KIF13A: variants seen among roughly 807,000 people sequenced by gnomAD.
KIF13A encodes the protein kinesin family member 13A, also known as kinesin-like protein KIF13A.
KIF13A carries 79 observed loss-of-function variants against 212.2 expected under a neutral mutation model. That is an observed-to-expected ratio of 0.37 (90% confidence interval 0.31 to 0.45). The LOEUF is 0.45. Among genes scored for constraint, KIF13A ranks in the 20% least tolerant of loss-of-function variants. The probability of loss-of-function intolerance (pLI) is 1.00; values close to 1 mark genes in which losing one functional copy is unlikely to be tolerated. For synonymous variants in KIF13A, 789 were observed against 808.6 expected (o/e 0.98, Z 0.41); for missense variants, 1,901 against 2,209.0 (o/e 0.86, Z 2.79).
intron 2 of KIF13A, among the ~76,000 whole-genome samples, chr6:17,932,114 C>T (rs575340943): frequency 6.6e-6 from 1 of 152,100 alleles, no homozygotes; most frequent in African/African-American, 2.4e-5. Context: ...CAGGTGACTC[C>T]GATGTATGTC....
rs1262371731 is a variant in KIF13A, at chr6:17,971,485, A to G, written c.146+15569T>C. Among the ~76,000 whole-genome samples the G allele has an allele frequency of 6.6e-6, 1 of 151,892 alleles. No individual in the cohort carries two copies. The highest frequency in any genetic ancestry group is 1.9e-4 in the East Asian group (1 of 5,176). On this transcript the variant is annotated intron_variant, in intron 2 of 38. Transcript: ENST00000259711. The surrounding 1 kb of genome is among the most constrained non-coding windows in gnomAD (Gnocchi z 4.2). ...CGCCCAGGCTGGAGTGCAGTGGTGT[A>G]ATCATGGCTCACTGCAGCCTAGACC...
Position 17,771,994 on chromosome 6 carries a change from G to A in KIF13A, c.4390C>T (p.Pro1464Ser), listed in dbSNP as rs776345807. 16 of 1,613,922 alleles carry A rather than the reference G, an allele frequency of 9.9e-6. 1 individual carries two copies. The South Asian group carries it at 1.6e-4, about 17-fold the overall frequency. Reference sequence around the variant, plus strand: ...GGCATTAGGGGCTTGAAAAACTTTGGTGGCTGAGGAGAGAATGCTTTAAAA... The same window carrying A: ...GGCATTAGGGGCTTGAAAAACTTTGATGGCTGAGGAGAGAATGCTTTAAAA... ...SPFKAFSPQP[P>S]KFFKPLMPVK... The change falls in exon 37 of 39, where the codon CCA (proline) becomes TCA (serine). Residue 1464 changes from proline (P) to serine (S), a missense_variant. Around this residue, in one of 5 missense-constraint regions of KIF13A, gnomAD observed 687 missense variants for 759.1 expected, o/e 0.90. Coordinates refer to ENST00000259711, the MANE Select transcript of KIF13A (RefSeq NM_022113.6). The surrounding 1 kb of genome is among the most constrained non-coding windows in gnomAD (Gnocchi z 5.4).
rs915031435 is a variant in KIF13A at position 17,971,618 on chromosome 6, T to A, written c.146+15436A>T. ...TTTTCTATTTTTTGTAGAGATGGGG[T>A]TTTGTCATGTTGCCCAGGCTGGTCT... On this transcript the variant is annotated intron_variant, in intron 2 of 38. Transcript: ENST00000259711. This position sits in a 1 kb window ranked among gnomAD's most constrained non-coding sequence, Gnocchi z 4.2. Among the ~76,000 whole-genome samples the A allele has an allele frequency of 6.6e-6, 1 of 151,652 alleles. No individual in the cohort carries two copies. Among genetic ancestry groups the A allele is most frequent in the African/African-American group, 2.4e-5 (1 of 41,216 alleles).
intron 2 of KIF13A, among the ~76,000 whole-genome samples, chr6:17,931,468 TAC>T (rs1260294359): frequency 9.2e-6 from 1 of 108,964 alleles, no homozygotes; most frequent in African/African-American, 2.7e-5. Flanking sequence ...GTGATAAAGG[TAC>T]CCTAAAAACT....
chr6:17,785,538 C>A lies in KIF13A; in HGVS notation c.3465G>T (p.Gly1155=). 1 of 1,587,482 alleles carries A rather than the reference C, an allele frequency of 6.3e-7. No individual in the cohort carries two copies. Among genetic ancestry groups the A allele is most frequent in the Non-Finnish European group, 8.6e-7 (1 of 1,168,512 alleles). Residue 1155 remains glycine (G), a synonymous_variant, in exon 28 of 39, where the codon GGG becomes GGT. Transcript: ENST00000259711. This position sits in a 1 kb window ranked among gnomAD's most constrained non-coding sequence, Gnocchi z 5.8. ...NAVLVPAPGS[G]IPGAPADWIP... is the part of the protein sequence containing the mutation. ...ACCAGTCGGCAGGTGCCCCAGGAAT[C>A]CCACTGCCTGGGGCTGGCACCAGCA... is the stretch of plus-strand genomic sequence containing the variant.
At chr6:17,976,527 C>G (rs1040341130) in intron 2 of KIF13A, among the ~76,000 whole-genome samples, 3 of 152,294 alleles carry the variant, frequency 2.0e-5, no homozygotes, top group South Asian at 2.1e-4. Flanking sequence ...CCAGCTGGCC[C>G]GCAAGCGCGG....
In KIF13A at chr6:17,834,555, T is replaced by C. The variant is rs1389905011; in HGVS notation, c.1156-484A>G. ...CCTTTCTCCACTGATGGTCATGCAT[T>C]TTGTTATTTATCATTATCATTCACC... On this transcript the variant is annotated intron_variant, in intron 11 of 38. Transcript: ENST00000259711. This position sits in a 1 kb window ranked among gnomAD's most constrained non-coding sequence, Gnocchi z 4.0. Among the ~76,000 whole-genome samples the C allele has an allele frequency of 6.6e-6, 1 of 152,188 alleles. No individual in the cohort carries two copies. Among genetic ancestry groups the C allele is most frequent in the Non-Finnish European group, 1.5e-5 (1 of 68,034 alleles).
At position 17,971,327 on chromosome 6, in the gene KIF13A, C is replaced by T. The variant is rs1779785154; in HGVS notation, c.146+15727G>A. On this transcript the variant is annotated intron_variant, in intron 2 of 38. Coordinates refer to ENST00000259711, the MANE Select transcript of KIF13A (RefSeq NM_022113.6). The surrounding 1 kb of genome is among the most constrained non-coding windows in gnomAD (Gnocchi z 4.2). Reference sequence around the variant, plus strand: ...ATCACTTCACAAAATTAAATGTATCCAAGTTTTAAATTCTGAGATTATGTC... The same window carrying T: ...ATCACTTCACAAAATTAAATGTATCTAAGTTTTAAATTCTGAGATTATGTC... 6.6e-6 allele frequency among the ~76,000 whole-genome samples: 1 copy of T among 152,096 alleles called. No individual in the cohort carries two copies.
At position 17,871,675 on chromosome 6, in the gene KIF13A, T is replaced by C. The variant is rs191555664; in HGVS notation, c.220+1702A>G. Among the ~76,000 whole-genome samples the C allele has an allele frequency of 1.3e-5, 2 of 152,070 alleles. No homozygotes were observed. The highest frequency in any genetic ancestry group is 2.4e-5 in the African/African-American group (1 of 41,464). Reference sequence around the variant, plus strand: ...GTCCCAGAAGAGACAGTGGAGAAGGTAGAATGGGGTTATATAATAAAGGAC... The same window carrying C: ...GTCCCAGAAGAGACAGTGGAGAAGGCAGAATGGGGTTATATAATAAAGGAC... On this transcript the variant is annotated intron_variant, in intron 4 of 38. Transcript: ENST00000259711. This position sits in a 1 kb window ranked among gnomAD's most constrained non-coding sequence, Gnocchi z 4.4.
At chr6:17,832,103 C>G (rs1157271342) in intron 12 of KIF13A, among the ~76,000 whole-genome samples, 3 of 152,044 alleles carry the variant, frequency 2.0e-5, no homozygotes, top group Non-Finnish European at 4.4e-5. Context: ...CTATAAGAAA[C>G]ACATCAGCAG....
In KIF13A at chr6:17,831,172, C is replaced by A. The variant is rs569310446; in HGVS notation, c.1330G>T (p.Asp444Tyr). 1.2e-6 allele frequency: 2 copies of A among 1,613,656 alleles called. No homozygotes were observed. The highest frequency in any genetic ancestry group is 3.3e-5 in the Admixed American group (2 of 60,026). Residue 444 changes from aspartate (D) to tyrosine (Y), a missense_variant, in exon 13 of 39, where the codon GAT (aspartate) becomes TAT (tyrosine). By Grantham distance (160) the Asp-to-Tyr change is radical (BLOSUM62 -3). This residue lies in a region of KIF13A where 506 missense variants were observed against 637.4 expected (regional missense o/e 0.79). Coordinates refer to ENST00000259711, the MANE Select transcript of KIF13A (RefSeq NM_022113.6). The part of the protein sequence containing the change: ...SLEMSGIKVG[D>Y]DKCYLVNLNA... Reference sequence around the variant, plus strand: ...AGATTGACTAAGTAGCATTTGTCATCCCCCACCTTGATACCGGACATCTCC... The same window carrying A: ...AGATTGACTAAGTAGCATTTGTCATACCCCACCTTGATACCGGACATCTCC...
rs1411781449 is a variant in KIF13A at position 17,900,192 on chromosome 6, G to A, written c.147-2012C>T. 2.0e-5 allele frequency among the ~76,000 whole-genome samples: 3 copies of A among 152,130 alleles called. No individual in the cohort carries two copies. The highest frequency in any genetic ancestry group is 2.9e-5 in the Non-Finnish European group (2 of 68,016). On this transcript the variant is annotated intron_variant, in intron 2 of 38. Coordinates refer to ENST00000259711, the MANE Select transcript of KIF13A (RefSeq NM_022113.6). The surrounding 1 kb of genome is among the most constrained non-coding windows in gnomAD (Gnocchi z 4.6). ...CCAACGGGGCTGGGACAGACTAGGGGAATCCCAGTGAGCTCTCTGGAGTTC... is the reference window on the plus strand; with the variant it reads ...CCAACGGGGCTGGGACAGACTAGGGAAATCCCAGTGAGCTCTCTGGAGTTC...
intron 16 of KIF13A, among the ~76,000 whole-genome samples, chr6:17,818,836 CT>C (rs1187426678): frequency 6.6e-6 from 1 of 152,132 alleles, no homozygotes; most frequent in Non-Finnish European, 1.5e-5. Flanking sequence ...ATGTGGTACT[CT>C]TACCCCCAAT....
chr6:17,828,223 C>T lies in KIF13A; in HGVS notation c.1532+17G>A, dbSNP rs1765143666. ...AAGGCACACAAGACACGTGAAGTCA[C>T]CATTTACTTTTCTTACCTTGCATTT... On this transcript the variant is annotated intron_variant, in intron 14 of 38. Transcript: ENST00000259711. The surrounding 1 kb of genome is among the most constrained non-coding windows in gnomAD (Gnocchi z 4.3). The T allele has an allele frequency of 6.2e-7, 1 of 1,608,210 alleles. No individual in the cohort carries two copies. The highest frequency in any genetic ancestry group is 8.5e-7 in the Non-Finnish European group (1 of 1,177,028).
In KIF13A at chr6:17,783,691, G is replaced by A; in HGVS notation, c.3499C>T (p.Pro1167Ser). 6.4e-7 allele frequency: 1 copy of A among 1,573,530 alleles called. No individual in the cohort carries two copies. The change falls in exon 29 of 39, where the codon CCT becomes TCT. Residue 1167 changes from proline (P) to serine (S), a missense_variant. Coordinates refer to ENST00000259711, the MANE Select transcript of KIF13A (RefSeq NM_022113.6). The surrounding 1 kb of genome is among the most constrained non-coding windows in gnomAD (Gnocchi z 4.3). The stretch of plus-strand genomic sequence containing the variant: ...ACTGGTATGTGGGTTTCCATTCCAG[G>A]AGGTGGGATCCTAAATTTAATAACA... ...PGAPADWIPP[P>S]GMETHIPVLF...
rs1417647710 is a variant in KIF13A, at chr6:17,837,689, C to T, written c.831-106G>A. On this transcript the variant is annotated intron_variant, in intron 9 of 38. Coordinates refer to ENST00000259711, the MANE Select transcript of KIF13A (RefSeq NM_022113.6). The surrounding 1 kb of genome is among the most constrained non-coding windows in gnomAD (Gnocchi z 5.4). ...ACAGTTAATACACGTTGGTGGCTCACGCCCGTAATCCCAGCACTTTGGGAG... is the reference window on the plus strand; with the variant it reads ...ACAGTTAATACACGTTGGTGGCTCATGCCCGTAATCCCAGCACTTTGGGAG... 2.3e-5 allele frequency: 18 copies of T among 770,532 alleles called. No homozygotes were observed. The highest frequency in any genetic ancestry group is 4.9e-5 in the Admixed American group (2 of 41,186). The allele number at this position is 770,532 out of a possible 1,614,324, so 47.7% of individuals were successfully genotyped here.
intron 2 of KIF13A, among the ~76,000 whole-genome samples, chr6:17,928,772 G>C (rs1031914743): frequency 6.6e-6 from 1 of 152,072 alleles, no homozygotes; most frequent in Non-Finnish European, 1.5e-5. Context: ...AATTATGATG[G>C]TTAAAAAGAT....
chr6:17,820,546 G>A (rs1037635889), intron 16 of KIF13A, among the ~76,000 whole-genome samples: 5 of 152,152 alleles, frequency 3.3e-5, no homozygotes, highest in Non-Finnish European at 1.5e-5. Context: ...GGCCCAGGAC[G>A]GAAGCCAAAG....
At chr6:17,906,675 T>G (rs1773532082) in intron 2 of KIF13A, among the ~76,000 whole-genome samples, 1 of 151,898 alleles carries the variant, frequency 6.6e-6, no homozygotes, top group South Asian at 2.1e-4. Flanking sequence ...GTCTCGAACT[T>G]CTGGGCTCAA....
Sources: gnomAD v4.1 joint callset for allele counts (sites outside exome capture counted in the v4.1 genomes callset) on GRCh38, gnomAD v4.1.1 for gene constraint, gnomAD v4.1.1 regional missense constraint, Gnocchi (gnomAD v3.1) non-coding constraint, MANE v1.5 for transcripts, NCBI Gene and HGNC (gene_info 2026-07-23, HGNC 2026-07-21) for gene names.